Variants in MYO5C observed in about 807,000 individuals in gnomAD.
The protein encoded by MYO5C is unconventional myosin-Vc.
MYO5C carries 194 observed loss-of-function variants against 235.7 expected under a neutral mutation model. That is an observed-to-expected ratio of 0.82 (90% confidence interval 0.73 to 0.93). The LOEUF is 0.93. MYO5C is among the 40% of genes least tolerant of loss of function. MYO5C has a pLI of 0.00. For synonymous variants in MYO5C, 707 were observed against 754.8 expected, an observed-to-expected ratio of 0.94 and a Z score of 1.04; for missense variants, 2,038 against 2,127.2, an observed-to-expected ratio of 0.96 and a Z score of 0.82.
chr15:52,288,473 G>A (rs966113741), intron 1 of MYO5C, among the ~76,000 whole-genome samples: 1 of 152,164 alleles, frequency 6.6e-6, no homozygotes, highest in Non-Finnish European at 1.5e-5. Context: ...CACACCCTGC[G>A]ATCCTGGTGC....
intron 25 of MYO5C, among the ~76,000 whole-genome samples, 157 bp downstream of exon 25, chr15:52,228,976 C>T (rs2035889910): frequency 1.3e-5 from 2 of 152,234 alleles, no homozygotes; most frequent in Admixed American, 1.3e-4. Flanking sequence ...AAATCAAAGG[C>T]AGCCTGGAGG....
intron 23 of MYO5C, among the ~76,000 whole-genome samples, chr15:52,233,912 A>G (rs2141306052): frequency 6.6e-6 from 1 of 152,336 alleles, no homozygotes; most frequent in South Asian, 2.1e-4. Context: ...CAATTCTCCA[A>G]ATTACTTTTT....
At chr15:52,284,163 T>G (rs1487778640) in intron 1 of MYO5C, among the ~76,000 whole-genome samples, 1 of 151,518 alleles carries the variant, frequency 6.6e-6, no homozygotes, top group African/African-American at 2.4e-5. Flanking sequence ...ACTTTATTTA[T>G]AGTGGCCAAA....
intron 23 of MYO5C, 33 bp from the exon 24 acceptor site, chr15:52,232,718 T>A: frequency 3.2e-6 from 5 of 1,577,484 alleles, no homozygotes; most frequent in Non-Finnish European, 4.4e-6. Context: ...GAGATATGTC[T>A]GCCAAATCAA....
In MYO5C at chr15:52,282,894, T is replaced by C; in HGVS notation, c.28-2A>G. 1 of 1,590,268 alleles carries C rather than the reference T, an allele frequency of 6.3e-7. No individual in the cohort carries two copies. Among genetic ancestry groups the C allele is most frequent in the South Asian group, 1.1e-5 (1 of 90,600 alleles). On this transcript the variant is annotated splice_acceptor_variant, in intron 1 of 40. Coordinates refer to ENST00000261839, the MANE Select transcript of MYO5C (RefSeq NM_018728.4). LOFTEE classifies it high-confidence loss of function. Reference sequence around the variant, plus strand: ...ATCGGGAATCCAGACCCTGTTGTACTGACCAACAGGATGAGAAAAGCTGAA... The same window carrying C: ...ATCGGGAATCCAGACCCTGTTGTACCGACCAACAGGATGAGAAAAGCTGAA...
intron 24 of MYO5C, among the ~76,000 whole-genome samples, chr15:52,231,215 T>TA (rs1793369104): frequency 6.6e-6 from 1 of 152,210 alleles, no homozygotes; most frequent in South Asian, 2.1e-4. Context: ...TGGAGCCTCC[T>TA]GAGAATTTTG....
At chr15:52,236,848 T>C (rs1025674890) in intron 22 of MYO5C, 2 of 152,234 alleles carry the variant, frequency 1.3e-5, no homozygotes, top group African/African-American at 2.4e-5. Flanking sequence ...GTTATTCTCA[T>C]TTTATATAGG....
intron 35 of MYO5C, 147 bp from the exon 36 acceptor site, chr15:52,208,790 A>T (rs1296639568): frequency 1.7e-6 from 1 of 593,912 alleles, no homozygotes; most frequent in Non-Finnish European, 2.9e-6. Flanking sequence ...TATACTTATA[A>T]GAACTTATAT....
intron 35 of MYO5C, among the ~76,000 whole-genome samples, chr15:52,209,477 C>T (rs531454974): frequency 6.6e-6 from 1 of 152,142 alleles, no homozygotes; most frequent in South Asian, 2.1e-4. Context: ...GGGCACATTG[C>T]TGTAACTGCT....
chr15:52,225,234 T>C, intron 26 of MYO5C, 96 bp from the exon 27 acceptor site: 5 of 1,350,400 alleles, frequency 3.7e-6, no homozygotes, highest in Non-Finnish European at 5.2e-6. Flanking sequence ...CTTCACAGTC[T>C]CCAGCTAAAT....
At chr15:52,250,298 A>T (rs374857261) in intron 13 of MYO5C, among the ~76,000 whole-genome samples, 1 of 138,248 alleles carries the variant, frequency 7.2e-6, no homozygotes. Context: ...GCTGGAGTGC[A>T]GTGGCGTGAT....
intron 31 of MYO5C, 144 bp from the exon 32 acceptor site, chr15:52,218,831 G>T: frequency 2.6e-6 from 2 of 782,946 alleles, no homozygotes; most frequent in Non-Finnish European, 4.0e-6. Context: ...TCGAATAGGG[G>T]TGTCCTTCCA....
At position 52,247,504 on chromosome 15, in the gene MYO5C, A is replaced by C; in HGVS notation, c.1835T>G (p.Val612Gly). Reference protein sequence around the residue: ...SMITVKSAKQVIKPNSKHFRT... With the variant: ...SMITVKSAKQGIKPNSKHFRT... ...GAAATGCTTGCTGTTTGGCTTGATG[A>C]CTTGCTTTGCAGATTTAACTGTAAT... The change falls in exon 15 of 41, where the codon GTC becomes GGC. Residue 612 changes from valine to glycine, a missense_variant. By Grantham distance (109) the Val-to-Gly change is moderately radical. Coordinates refer to ENST00000261839, the MANE Select transcript of MYO5C (RefSeq NM_018728.4). The C allele has an allele frequency of 6.2e-7, 1 of 1,614,158 alleles. No individual in the cohort carries two copies. The highest frequency in any genetic ancestry group is 8.5e-7 in the Non-Finnish European group (1 of 1,180,010).
At chr15:52,286,606 T>C (rs1191983054) in intron 1 of MYO5C, among the ~76,000 whole-genome samples, 1 of 152,186 alleles carries the variant, frequency 6.6e-6, no homozygotes, top group Admixed American at 6.5e-5. Context: ...AGAAAAATTC[T>C]TCTTCCTTGG....
chr15:52,218,587 A>AT lies in MYO5C; in HGVS notation c.3885dup (p.Phe1296IlefsTer2). 1.2e-6 allele frequency: 2 copies of AT among 1,614,124 alleles called. No individual in the cohort carries two copies. Among genetic ancestry groups the AT allele is most frequent in the Non-Finnish European group, 1.7e-6 (2 of 1,180,016 alleles). On this transcript the variant is annotated frameshift_variant, in exon 32 of 41. Coordinates refer to ENST00000261839, the MANE Select transcript of MYO5C (RefSeq NM_018728.4). LOFTEE classifies it high-confidence loss of function. ...CACTTGACTTCACTTTCAGTTTCAAATTGTTTCTTCAAGTGGTCACTGGCC... is the reference window on the plus strand; with the variant it reads ...CACTTGACTTCACTTTCAGTTTCAAATTTGTTTCTTCAAGTGGTCACTGGCC...
intron 7 of MYO5C, among the ~76,000 whole-genome samples, chr15:52,270,177 G>A (rs757441218): frequency 6.6e-6 from 1 of 152,154 alleles, no homozygotes; most frequent in Admixed American, 6.5e-5. Context: ...AGCTATTCAG[G>A]AGGCTGACGT....
intron 38 of MYO5C, among the ~76,000 whole-genome samples, chr15:52,197,005 A>G (rs546541035): frequency 1.3e-5 from 2 of 152,312 alleles, no homozygotes; most frequent in South Asian, 4.1e-4. Flanking sequence ...TCTGGGCACA[A>G]TGAGAGTGTT....
intron 1 of MYO5C, among the ~76,000 whole-genome samples, chr15:52,286,957 GA>G (rs1012679471): frequency 0.015 from 1,722 of 111,924 alleles, 20 homozygotes; most frequent in South Asian, 0.032. Context: ...AAAGAAAAAA[GA>G]AAAAAAAAAA....
intron 22 of MYO5C, among the ~76,000 whole-genome samples, chr15:52,236,532 C>T (rs1221165958): frequency 5.9e-5 from 9 of 152,252 alleles, no homozygotes; most frequent in Non-Finnish European, 1.0e-4. Flanking sequence ...AAAAATTAGC[C>T]GGGCGTCATG....
Sources: allele counts gnomAD v4.1 joint callset (sites outside exome capture counted in the v4.1 genomes callset), GRCh38; gene constraint gnomAD v4.1.1; transcripts MANE v1.5; gene names NCBI Gene and HGNC (gene_info 2026-07-23, HGNC 2026-07-21).